Variants in RPS6KA6 observed in about 807,000 individuals in gnomAD.
RPS6KA6 encodes ribosomal protein S6 kinase A6.
A neutral mutation model predicts 65.4 loss-of-function variants in RPS6KA6; 27 were observed. The observed-to-expected ratio is 0.41, with a 90% confidence interval of 0.30 to 0.57. The LOEUF (loss-of-function observed/expected upper bound fraction) is 0.57. Among genes scored for constraint, RPS6KA6 ranks in the 20% least tolerant of loss-of-function variants. The pLI, the probability that RPS6KA6 is intolerant of heterozygous loss-of-function variation, is 0.24. For synonymous variants in RPS6KA6, 190 were observed against 184.2 expected (o/e 1.03, Z -0.26); for missense variants, 486 against 555.6 (o/e 0.87, Z 1.26).
At position 84,061,290 on chromosome X, in the gene RPS6KA6, C is replaced by T. The variant is rs1355837152; in HGVS notation, c.*2987G>A. The stretch of plus-strand genomic sequence containing the variant: ...GTTTCTCTGGGCAGTACTATTTTAA[C>T]ATGTTGTTCCAATGGGCAGACATTA... On this transcript the variant is annotated 3_prime_UTR_variant, in exon 22 of 22. Coordinates refer to ENST00000262752, the MANE Select transcript of RPS6KA6 (RefSeq NM_014496.5). 2 of 112,079 alleles carry T rather than the reference C, an allele frequency of 1.8e-5. No individual in the cohort carries two copies. Among genetic ancestry groups the T allele is most frequent in the Non-Finnish European group, 3.8e-5 (2 of 53,129 alleles). The allele number at this position is 112,079 out of a possible 1,213,427, so 9.2% of individuals were successfully genotyped here. A position where few individuals can be genotyped will look rare whatever the true frequency, so the allele number is the denominator to read the frequency against.
intron 20 of RPS6KA6, among the ~76,000 whole-genome samples, chrX:84,076,674 C>A (rs1435242117): frequency 9.0e-6 from 1 of 111,303 alleles, no homozygotes; most frequent in Non-Finnish European, 1.9e-5. Context: ...CCATATAAAA[C>A]CCACAGCTAA....
At chrX:84,141,592 T>TA (rs1043826994) in intron 6 of RPS6KA6, among the ~76,000 whole-genome samples, 2 of 110,892 alleles carry the variant, frequency 1.8e-5, no homozygotes, top group African/African-American at 6.5e-5. Context: ...CAGATTGGAT[T>TA]AAAAAACAAG....
rs947515439 is a variant in RPS6KA6 at position 84,059,660 on chromosome X, G to A, written c.*4617C>T. 30 of 111,367 alleles carry A rather than the reference G, an allele frequency of 2.7e-4. No homozygotes were observed. The highest frequency in any genetic ancestry group is 5.5e-4 in the Non-Finnish European group (29 of 53,059). The allele number at this position is 111,367 out of a possible 1,213,427, so 9.2% of individuals were successfully genotyped here. A position where few individuals can be genotyped will look rare whatever the true frequency, so the allele number is the denominator to read the frequency against. On this transcript the variant is annotated 3_prime_UTR_variant, in exon 22 of 22. Transcript: ENST00000262752. The stretch of plus-strand genomic sequence containing the variant: ...TGCAGTTAGTACATTCTCTATAATT[G>A]TCCACGTAAAATTAAATGCTTAATA...
chrX:84,098,517 C>A (rs780333984), intron 18 of RPS6KA6, among the ~76,000 whole-genome samples: 1 of 110,794 alleles, frequency 9.0e-6, no homozygotes, highest in African/African-American at 3.3e-5. Flanking sequence ...GATTTAGCTA[C>A]GAAGTTAATA....
At chrX:84,128,116 A>G (rs2034829284) in intron 8 of RPS6KA6, among the ~76,000 whole-genome samples, 1 of 111,949 alleles carries the variant, frequency 8.9e-6, no homozygotes, top group South Asian at 3.7e-4. Flanking sequence ...AAACTCAGCA[A>G]AGTTGCAGGA....
chrX:84,112,268 G>C (rs986772700), intron 12 of RPS6KA6, among the ~76,000 whole-genome samples: 2 of 111,460 alleles, frequency 1.8e-5, no homozygotes, highest in Non-Finnish European at 3.8e-5. Flanking sequence ...CACTAGACAG[G>C]TCATCAAGGC....
intron 3 of RPS6KA6, among the ~76,000 whole-genome samples, chrX:84,149,124 C>G (rs2035253445): frequency 8.9e-6 from 1 of 111,833 alleles, no homozygotes; most frequent in South Asian, 3.8e-4. Context: ...CTTTGCTCAT[C>G]CACAAGGAGC....
chrX:84,143,671 A>G (rs2035147030), intron 6 of RPS6KA6, among the ~76,000 whole-genome samples: 1 of 111,573 alleles, frequency 9.0e-6, no homozygotes, highest in African/African-American at 3.2e-5. Flanking sequence ...ACATTTTTGT[A>G]CAAAGTGAAA....
At chrX:84,160,149 T>C (rs1004890592) in intron 2 of RPS6KA6, among the ~76,000 whole-genome samples, 1 of 111,625 alleles carries the variant, frequency 9.0e-6, no homozygotes, top group Non-Finnish European at 1.9e-5. Flanking sequence ...CTAGTCTTTC[T>C]ACATCAAATA....
rs2033324904 is a variant in RPS6KA6, at chrX:84,062,946, T to TAGC, written c.*1330_*1331insGCT. The TAGC allele has an allele frequency of 9.2e-6, 1 of 108,581 alleles. No homozygotes were observed. Among genetic ancestry groups the TAGC allele is most frequent in the East Asian group, 3.1e-4 (1 of 3,250 alleles). The allele number at this position is 108,581 out of a possible 1,213,427, so 8.9% of individuals were successfully genotyped here. A position where few individuals can be genotyped will look rare whatever the true frequency, so the allele number is the denominator to read the frequency against. ...GTAGTAGTAGTAGTAGTAGTAGTAG[T>TAGC]AGTAGTAGCAGTAGTAGCTGCTGCT... On this transcript the variant is annotated 3_prime_UTR_variant, in exon 22 of 22. Transcript: ENST00000262752.
At chrX:84,182,053 TCTCTCTCTCTCA>T (rs1333063935) in intron 1 of RPS6KA6, among the ~76,000 whole-genome samples, 32 of 93,203 alleles carry the variant, frequency 3.4e-4, no homozygotes, top group African/African-American at 1.2e-3. Context: ...TCTCTCTCTC[TCTCTCTCTCTCA>T]CACACACACA....
intron 1 of RPS6KA6, among the ~76,000 whole-genome samples, 170 bp downstream of exon 1, chrX:84,187,649 G>A (rs1483204825): frequency 3.6e-5 from 4 of 112,263 alleles, no homozygotes. Flanking sequence ...CGAGCCCGCC[G>A]TCTCATCCCC....
intron 1 of RPS6KA6, among the ~76,000 whole-genome samples, chrX:84,176,754 C>T (rs1437472859): frequency 9.0e-6 from 1 of 111,505 alleles, no homozygotes; most frequent in Non-Finnish European, 1.9e-5. Context: ...GTCACAGTTC[C>T]TAAATGTCCT....
In RPS6KA6 at chrX:84,105,874, G is replaced by T. The variant is rs780685503; in HGVS notation, c.1368C>A (p.Ile456=). The change falls in exon 16 of 22, where the codon ATC becomes ATA. Residue 456 remains isoleucine, a splice_region_variant and synonymous_variant. Coordinates refer to ENST00000262752, the MANE Select transcript of RPS6KA6 (RefSeq NM_014496.5). The part of the protein sequence containing the change: ...ATTNMEFAVK[I]IDKSKRDPSE... The stretch of plus-strand genomic sequence containing the variant: ...AAGGGTCTCGCTTACTTTTGTCAAT[G>T]ATCTAAGAAATACGAAAAAAGAAAA... The T allele has an allele frequency of 1.8e-6, 2 of 1,102,790 alleles. No individual in the cohort carries two copies. The highest frequency in any genetic ancestry group is 2.1e-5 in the South Asian group (1 of 48,219). The allele number at this position is 1,102,790 out of a possible 1,213,427, so 90.9% of individuals were successfully genotyped here.
intron 20 of RPS6KA6, among the ~76,000 whole-genome samples, chrX:84,078,329 C>A (rs757012207): frequency 9.0e-6 from 1 of 111,669 alleles, no homozygotes; most frequent in Non-Finnish European, 1.9e-5. Flanking sequence ...TGTGGAAGAA[C>A]TAAAATTTTC....
intron 13 of RPS6KA6, 62 bp from the exon 14 acceptor site, chrX:84,107,102 CAG>C: frequency 1.0e-6 from 1 of 964,539 alleles, no homozygotes; most frequent in Non-Finnish European, 1.4e-6. Flanking sequence ...TATAAAGTGT[CAG>C]AATTTCTTTA....
Position 84,061,599 on chromosome X carries a change from A to G in RPS6KA6, c.*2678T>C, listed in dbSNP as rs778472389. On this transcript the variant is annotated 3_prime_UTR_variant, in exon 22 of 22. Coordinates refer to ENST00000262752, the MANE Select transcript of RPS6KA6 (RefSeq NM_014496.5). ...GTTTCCTGAGTTTATTCATGGTAGT[A>G]TGTGCTTAAGGACAACAGGTTGTTA... 1 of 111,443 alleles carries G rather than the reference A, an allele frequency of 9.0e-6. No individual in the cohort carries two copies. The highest frequency in any genetic ancestry group is 1.9e-5 in the Non-Finnish European group (1 of 52,939). The allele number at this position is 111,443 out of a possible 1,213,427, so 9.2% of individuals were successfully genotyped here.
Position 84,063,929 on chromosome X carries a change from T to C in RPS6KA6, c.*348A>G, listed in dbSNP as rs990085924. On this transcript the variant is annotated 3_prime_UTR_variant, in exon 22 of 22. Transcript: ENST00000262752. ...TTATACTATTATATATGTATACTGATTGTTGGTAATGACTCCCCAAACCAT... is the reference window on the plus strand; with the variant it reads ...TTATACTATTATATATGTATACTGACTGTTGGTAATGACTCCCCAAACCAT... The C allele has an allele frequency of 2.1e-5, 3 of 145,636 alleles. No homozygotes were observed. The highest frequency in any genetic ancestry group is 9.4e-5 in the African/African-American group (3 of 31,845). The allele number at this position is 145,636 out of a possible 1,213,427, so 12.0% of individuals were successfully genotyped here.
chrX:84,154,291 C>T (rs181359671), intron 3 of RPS6KA6, among the ~76,000 whole-genome samples: 53 of 111,321 alleles, frequency 4.8e-4, no homozygotes, highest in Non-Finnish European at 7.0e-4. Context: ...CCATCATCTT[C>T]ACTACTTATT....
Sources: allele counts gnomAD v4.1 joint callset (sites outside exome capture counted in the v4.1 genomes callset), GRCh38; gene constraint gnomAD v4.1.1; transcripts MANE v1.5; gene names NCBI Gene and HGNC (gene_info 2026-07-23, HGNC 2026-07-21).